SMAP2: variants seen among roughly 807,000 people sequenced by gnomAD.
SMAP2 encodes the protein small ArfGAP2, also known as stromal membrane-associated protein 2.
In SMAP2, 25 loss-of-function variants were observed where a neutral mutation model predicts 56.4. The ratio of observed to expected loss-of-function variants is 0.44; its 90% CI spans 0.32 to 0.62. SMAP2 has a LOEUF of 0.62. Ranked by LOEUF, SMAP2 falls within the 20% of genes least tolerant of loss-of-function variation. SMAP2 has a pLI of 0.04. For synonymous variants in SMAP2, 157 were observed against 181.7 expected (o/e 0.86, Z 1.09); for missense variants, 388 against 545.6 (o/e 0.71, Z 2.88).
At chr1:40,383,912 C>G (rs1355240294) in intron 1 of SMAP2, among the ~76,000 whole-genome samples, 1 of 151,434 alleles carries the variant, frequency 6.6e-6, no homozygotes, top group Non-Finnish European at 1.5e-5. Flanking sequence ...TTTCGTTTTT[C>G]TGGAGACAGA....
chr1:40,414,232 T>G lies in SMAP2; in HGVS notation c.563T>G (p.Leu188Trp). ...PKSTAPVMDL[L>W]GLDAPVACSI... ...TCCACAGCGCCTGTCATGGATTTGT[T>G]GGGCCTTGGTAAGAGTTGGACTTTT... Residue 188 changes from leucine (L) to tryptophan (W), a missense_variant, in exon 6 of 10, where the codon TTG becomes TGG. Coordinates refer to ENST00000372718, the MANE Select transcript of SMAP2 (RefSeq NM_022733.3). The G allele has an allele frequency of 6.2e-7, 1 of 1,614,144 alleles. No individual in the cohort carries two copies. Among genetic ancestry groups the G allele is most frequent in the Non-Finnish European group, 8.5e-7 (1 of 1,179,986 alleles).
rs542621912 is a variant in SMAP2 at position 40,383,084 on chromosome 1, G to C, written c.103+8861G>C. 9.8e-5 allele frequency among the ~76,000 whole-genome samples: 15 copies of C among 152,304 alleles called. No homozygotes were observed. The South Asian group carries it at 3.1e-3, about 32-fold the overall frequency. On this transcript the variant is annotated intron_variant, in intron 1 of 9. Transcript: ENST00000372718. ...TATAAGCAGAGGGAATTTAAAATAG[G>C]GAGTAGGTTACAAGGCTGCTAGAAG...
intron 1 of SMAP2, among the ~76,000 whole-genome samples, chr1:40,405,313 A>C (rs974205143): frequency 3.9e-5 from 6 of 152,050 alleles, no homozygotes; most frequent in Non-Finnish European, 8.8e-5. Flanking sequence ...ACATAGTGAG[A>C]CCTAGTCTCT....
At chr1:40,372,966 G>A (rs1331611762), upstream of SMAP2, among the ~76,000 whole-genome samples, 1 of 152,220 alleles carries the variant, frequency 6.6e-6, no homozygotes, top group Non-Finnish European at 1.5e-5. Flanking sequence ...GAAATTATCT[G>A]TAGCAACGGT....
chr1:40,393,315 A>G lies in SMAP2; in HGVS notation c.104-13421A>G, dbSNP rs72950013. ...AAGCAACAAACCCTATCTTAGAAGA[A>G]CAAACAAAAAACCCAACAACAGAAC... On this transcript the variant is annotated intron_variant, in intron 1 of 9. Transcript: ENST00000372718. The G allele has an allele frequency of 5.7e-4, 866 of 1,520,966 alleles. 4 individuals carry two copies. In the African/African-American group the frequency reaches 8.5e-3, roughly 15 times the overall value. 94.2% of individuals were successfully genotyped at this position (1,520,966 alleles called of 1,614,324 possible). A position where few individuals can be genotyped will look rare whatever the true frequency, so the allele number is the denominator to read the frequency against.
chr1:40,354,766 A>ATTTTTTTTTT (rs1557821399), intron 1 of SMAP2, among the ~76,000 whole-genome samples: 2 of 58,268 alleles, frequency 3.4e-5, no homozygotes, highest in East Asian at 1.4e-3. Context: ...CAAAACATTG[A>ATTTTTTTTTT]ATTTTTTTTT....
In SMAP2 at chr1:40,408,985, A is replaced by T. The variant is rs1429136412; in HGVS notation, c.323+247A>T. Among the ~76,000 whole-genome samples the T allele has an allele frequency of 6.6e-6, 1 of 152,242 alleles. No individual in the cohort carries two copies. Among genetic ancestry groups the T allele is most frequent in the Non-Finnish European group, 1.5e-5 (1 of 68,044 alleles). Reference sequence around the variant, plus strand: ...TAAGACTGCAGTGATTTCACTGTGAATTCTTCTATAAAGTTACATCTCCAC... The same window carrying T: ...TAAGACTGCAGTGATTTCACTGTGATTTCTTCTATAAAGTTACATCTCCAC... On this transcript the variant is annotated intron_variant, in intron 3 of 9. Transcript: ENST00000372718. The surrounding 1 kb of genome is among the most constrained non-coding windows in gnomAD (Gnocchi z 4.3).
At chr1:40,348,032 C>T (rs1176040391) in intron 1 of SMAP2, among the ~76,000 whole-genome samples, 1 of 152,084 alleles carries the variant, frequency 6.6e-6, no homozygotes, top group African/African-American at 2.4e-5. Flanking sequence ...TGCAGTGGCT[C>T]ACACCTGTAA....
chr1:40,419,392 T>G (rs1645020953), intron 9 of SMAP2, among the ~76,000 whole-genome samples: 1 of 151,866 alleles, frequency 6.6e-6, no homozygotes, highest in African/African-American at 2.4e-5. Context: ...GTGATTCTTC[T>G]GCGTCAGCCT....
chr1:40,345,878 A>ATATTG (rs1553187221), intron 1 of SMAP2, among the ~76,000 whole-genome samples: 343 of 95,068 alleles, frequency 3.6e-3, no homozygotes, highest in African/African-American at 0.01. Context: ...ATATTGTATT[A>ATATTG]TATTGTATTG....
chr1:40,384,604 GTGCAGTGTGAGTA>G (rs1241575440), intron 1 of SMAP2, among the ~76,000 whole-genome samples: 1 of 152,202 alleles, frequency 6.6e-6, no homozygotes, highest in East Asian at 1.9e-4. Context: ...AGAGTTTTCA[GTGCAGTGTGAGTA>G]TGTTTGCTTT....
Position 40,408,774 on chromosome 1 carries a change from T to C in SMAP2, c.323+36T>C. On this transcript the variant is annotated intron_variant, in intron 3 of 9. Transcript: ENST00000372718. This position sits in a 1 kb window ranked among gnomAD's most constrained non-coding sequence, Gnocchi z 4.3. The stretch of plus-strand genomic sequence containing the variant: ...TGGAGCAACTTAGAAGGCTGAGTGG[T>C]ATTTTGATGCTTGGGGAGAGTCAGA... 6.5e-7 allele frequency: 1 copy of C among 1,536,444 alleles called. No homozygotes were observed. The highest frequency in any genetic ancestry group is 9.0e-7 in the Non-Finnish European group (1 of 1,109,688).
intron 1 of SMAP2, among the ~76,000 whole-genome samples, chr1:40,356,131 A>G (rs1457748252): frequency 6.6e-6 from 1 of 152,212 alleles, no homozygotes; most frequent in Admixed American, 6.5e-5. Flanking sequence ...AATGACCTCC[A>G]GTTCCATTCT....
chr1:40,356,419 T>G (rs537827308), intron 1 of SMAP2, among the ~76,000 whole-genome samples: 53 of 151,072 alleles, frequency 3.5e-4, no homozygotes, highest in East Asian at 2.1e-3. Flanking sequence ...TTTTTTGTTT[T>G]TTTTTTTTTG....
intron 1 of SMAP2, among the ~76,000 whole-genome samples, chr1:40,350,124 C>G (rs557629094): frequency 8.5e-5 from 13 of 152,118 alleles, no homozygotes; most frequent in Non-Finnish European, 1.3e-4. Context: ...CAGCAGAGTA[C>G]TCTGAGGTCA....
chr1:40,363,336 C>T (rs560094248), intron 2 of SMAP2, among the ~76,000 whole-genome samples: 3 of 152,106 alleles, frequency 2.0e-5, no homozygotes, highest in South Asian at 2.1e-4. Flanking sequence ...TTGGGCAATA[C>T]ATAAATTGTA....
chr1:40,374,870 C>G lies in SMAP2; in HGVS notation c.103+647C>G, dbSNP rs1047813214. ...GTGCGGATTTCTAGGCAGTGTAGCC[C>G]TGGCTTGTAGAGTGCGTTGGAGGCC... On this transcript the variant is annotated intron_variant, in intron 1 of 9. Transcript: ENST00000372718. The surrounding 1 kb of genome is among the most constrained non-coding windows in gnomAD (Gnocchi z 5.9). 1.0e-6 allele frequency: 1 copy of G among 985,354 alleles called. No individual in the cohort carries two copies. The highest frequency in any genetic ancestry group is 1.2e-6 in the Non-Finnish European group (1 of 829,916). 61.0% of individuals were successfully genotyped at this position (985,354 alleles called of 1,614,324 possible). A position where few individuals can be genotyped will look rare whatever the true frequency, so the allele number is the denominator to read the frequency against.
chr1:40,405,535 G>C (rs1177688469), intron 1 of SMAP2, among the ~76,000 whole-genome samples: 2 of 152,138 alleles, frequency 1.3e-5, no homozygotes, highest in African/African-American at 4.8e-5. Context: ...CCAAATAATT[G>C]TCTGTGTCCT....
intron 1 of SMAP2, among the ~76,000 whole-genome samples, chr1:40,358,654 A>G (rs1326603782): frequency 1.3e-5 from 2 of 152,154 alleles, no homozygotes; most frequent in Non-Finnish European, 2.9e-5. Context: ...CATATACTCT[A>G]TCCTTGAGAA....
Sources: allele counts gnomAD v4.1 joint callset (sites outside exome capture counted in the v4.1 genomes callset), GRCh38; gene constraint gnomAD v4.1.1; non-coding constraint Gnocchi (gnomAD v3.1); transcripts MANE v1.5; gene names NCBI Gene and HGNC (gene_info 2026-07-23, HGNC 2026-07-21).